Variants in ALKBH8 observed in about 807,000 individuals in gnomAD.
The protein encoded by ALKBH8 is alkB homolog 8, tRNA methyltransferase.
In ALKBH8, 36 loss-of-function variants were observed where a neutral mutation model predicts 59.8. The ratio of observed to expected loss-of-function variants is 0.60; its 90% confidence interval spans 0.46 to 0.79. ALKBH8 has a LOEUF of 0.79. Among genes scored for constraint, ALKBH8 ranks in the 30% least tolerant of loss-of-function variants. The pLI is 0.00. For missense variants in ALKBH8, 768 were observed against 801.0 expected (o/e 0.96, Z 0.50); for synonymous variants, 276 against 273.6 (o/e 1.01, Z -0.09).
At chr11:107,511,990 T>C (rs553375423) in intron 10 of ALKBH8, among the ~76,000 whole-genome samples, 2 of 152,308 alleles carry the variant, frequency 1.3e-5, no homozygotes, top group South Asian at 4.1e-4. Flanking sequence ...TCTTTTCATA[T>C]ACCCAAACAA....
intron 10 of ALKBH8, among the ~76,000 whole-genome samples, chr11:107,519,465 G>A (rs1863015880): frequency 6.6e-6 from 1 of 152,218 alleles, no homozygotes; most frequent in East Asian, 1.9e-4. Flanking sequence ...ATATGCAACT[G>A]TAGGAAAATC....
At position 107,503,305 on chromosome 11, in the gene ALKBH8, A is replaced by G. The variant is rs1433921813; in HGVS notation, c.*1353T>C. On this transcript the variant is annotated 3_prime_UTR_variant, in exon 12 of 12. Coordinates refer to ENST00000428149, the MANE Select transcript of ALKBH8 (RefSeq NM_138775.3). ...CTGAAATTCCATGAAAAAAATAATCATCCTCTCATCTGAGACCCATTATTG... is the reference window on the plus strand; with the variant it reads ...CTGAAATTCCATGAAAAAAATAATCGTCCTCTCATCTGAGACCCATTATTG... The G allele has an allele frequency of 6.6e-6, 1 of 152,146 alleles. No homozygotes were observed. The highest frequency in any genetic ancestry group is 6.5e-5 in the Admixed American group (1 of 15,274). The allele number at this position is 152,146 out of a possible 1,614,324, so 9.4% of individuals were successfully genotyped here.
At chr11:107,517,522 C>A (rs1466332931) in intron 10 of ALKBH8, among the ~76,000 whole-genome samples, 1 of 152,162 alleles carries the variant, frequency 6.6e-6, no homozygotes, top group Non-Finnish European at 1.5e-5. Flanking sequence ...ATCTAAATAT[C>A]CATCAATGGA....
At chr11:107,534,408 T>C (rs543136394) in intron 7 of ALKBH8, among the ~76,000 whole-genome samples, 18 of 152,264 alleles carry the variant, frequency 1.2e-4, no homozygotes, top group Non-Finnish European at 1.8e-4. Flanking sequence ...ATTTTATTAA[T>C]CGTTTGGTGA....
chr11:107,508,110 G>C (rs186594467), intron 11 of ALKBH8, among the ~76,000 whole-genome samples: 27 of 151,784 alleles, frequency 1.8e-4, no homozygotes, highest in African/African-American at 6.5e-4. Flanking sequence ...AGCAGGGACT[G>C]GGTCTTCTCC....
At chr11:107,512,217 GA>G (rs1393178839) in intron 10 of ALKBH8, among the ~76,000 whole-genome samples, 1 of 151,016 alleles carries the variant, frequency 6.6e-6, no homozygotes, top group Non-Finnish European at 1.5e-5. Context: ...GTAATATACA[GA>G]CACACACACA....
At chr11:107,526,611 AGT>A (rs1431965065) in intron 8 of ALKBH8, among the ~76,000 whole-genome samples, 3 of 152,008 alleles carry the variant, frequency 2.0e-5, no homozygotes, top group Non-Finnish European at 4.4e-5. Context: ...ATTTCTTAAT[AGT>A]GTGTTATGAA....
intron 1 of ALKBH8, among the ~76,000 whole-genome samples, chr11:107,561,516 T>C (rs1864938371): frequency 6.6e-6 from 1 of 152,196 alleles, no homozygotes; most frequent in Admixed American, 6.5e-5. Context: ...ACATGGTAGG[T>C]GTAGGTGTTT....
intron 8 of ALKBH8, among the ~76,000 whole-genome samples, chr11:107,529,933 G>A (rs1565327686): frequency 6.6e-6 from 1 of 152,162 alleles, no homozygotes; most frequent in Non-Finnish European, 1.5e-5. Context: ...GGGAGTAACA[G>A]AAAGGGGTAG....
chr11:107,556,229 G>C (rs1447696835), intron 3 of ALKBH8, among the ~76,000 whole-genome samples: 2 of 152,038 alleles, frequency 1.3e-5, no homozygotes, highest in Admixed American at 1.3e-4. Flanking sequence ...AGTGAGCCGA[G>C]ATTGTGCCAT....
At chr11:107,548,201 C>T (rs747176068) in intron 7 of ALKBH8, among the ~76,000 whole-genome samples, 71 of 152,224 alleles carry the variant, frequency 4.7e-4, no homozygotes, top group Non-Finnish European at 8.7e-4. Flanking sequence ...AACACATGTC[C>T]TGTTAGAGGA....
chr11:107,553,886 C>T lies in ALKBH8; in HGVS notation c.460G>A (p.Glu154Lys). ...ISSEEEKMLL[E>K]SVDWTEDTDN... ...GTATCTTCTGTCCAATCAACACTTT[C>T]CAAAAGCATTTTCTCCTCCTCAGAA... Residue 154 changes from glutamate to lysine, a missense_variant, in exon 4 of 12, where the codon GAA becomes AAA. Coordinates refer to ENST00000428149, the MANE Select transcript of ALKBH8 (RefSeq NM_138775.3). The T allele has an allele frequency of 6.2e-7, 1 of 1,613,750 alleles. No individual in the cohort carries two copies. The highest frequency in any genetic ancestry group is 1.7e-4 in the Middle Eastern group (1 of 6,060).
At position 107,522,411 on chromosome 11, in the gene ALKBH8, G is replaced by C. The variant is rs904720798; in HGVS notation, c.1175C>G (p.Thr392Ser). ...IAGHFSSTRH[T>S]PWPHIVEFLK... is the part of the protein sequence containing the mutation. Reference sequence around the variant, plus strand: ...AAACTCCACAATGTGCGGCCAAGGGGTATGTCTTGTGCTGCTGAAGTGCCC... The same window carrying C: ...AAACTCCACAATGTGCGGCCAAGGGCTATGTCTTGTGCTGCTGAAGTGCCC... Residue 392 changes from threonine to serine, a missense_variant, in exon 10 of 12, where the codon ACC (threonine) becomes AGC (serine). Thr to Ser is a moderately conservative substitution (Grantham distance 58). Transcript: ENST00000428149. 7 of 1,551,762 alleles carry C rather than the reference G, an allele frequency of 4.5e-6. No individual in the cohort carries two copies. Among genetic ancestry groups the C allele is most frequent in the Non-Finnish European group, 5.2e-6 (6 of 1,147,004 alleles).
chr11:107,560,267 A>T (rs1244616557), intron 2 of ALKBH8, among the ~76,000 whole-genome samples: 1 of 152,210 alleles, frequency 6.6e-6, no homozygotes, highest in Non-Finnish European at 1.5e-5. Context: ...AAGGTCTAAT[A>T]AAATAAAAAT....
intron 7 of ALKBH8, among the ~76,000 whole-genome samples, chr11:107,546,781 G>A (rs1046332306): frequency 6.6e-5 from 10 of 151,718 alleles, no homozygotes; most frequent in African/African-American, 2.4e-4. Flanking sequence ...AGTTGTAGAG[G>A]GAAAACTAAT....
At chr11:107,528,178 T>C (rs1039551294) in intron 8 of ALKBH8, among the ~76,000 whole-genome samples, 2 of 152,140 alleles carry the variant, frequency 1.3e-5, no homozygotes, top group African/African-American at 4.8e-5. Flanking sequence ...ATATTTTCTT[T>C]TTATGTATAT....
At chr11:107,552,301 G>A (rs965737059) in intron 5 of ALKBH8, among the ~76,000 whole-genome samples, 1 of 151,232 alleles carries the variant, frequency 6.6e-6, no homozygotes, top group African/African-American at 2.4e-5. Flanking sequence ...CTTCCAAAGT[G>A]GAACTAACTT....
intron 7 of ALKBH8, among the ~76,000 whole-genome samples, chr11:107,534,568 G>T (rs1863730961): frequency 6.6e-6 from 1 of 152,126 alleles, no homozygotes; most frequent in East Asian, 1.9e-4. Context: ...ACGGACAGTA[G>T]TGATTTTCAA....
chr11:107,537,602 A>T (rs1238124046), intron 7 of ALKBH8, among the ~76,000 whole-genome samples: 1 of 152,072 alleles, frequency 6.6e-6, no homozygotes, highest in Admixed American at 6.6e-5. Context: ...TAGCTAATAG[A>T]TGCTGGGCTT....
Sources: gnomAD v4.1 joint callset for allele counts (sites outside exome capture counted in the v4.1 genomes callset) on GRCh38, gnomAD v4.1.1 for gene constraint, MANE v1.5 for transcripts, NCBI Gene and HGNC (gene_info 2026-07-23, HGNC 2026-07-21) for gene names.